SYNPR: variants seen among roughly 807,000 people sequenced by gnomAD.
The protein encoded by SYNPR is synaptoporin.
Under a neutral mutation model 32.9 loss-of-function variants are expected in SYNPR, and 23 were observed. That is an observed-to-expected ratio of 0.70 (90% confidence interval 0.50 to 0.99). The LOEUF (loss-of-function observed/expected upper bound fraction) is 0.99. Among genes scored for constraint, SYNPR ranks in the 50% least tolerant of loss-of-function variants. SYNPR has a pLI of 0.00. For missense variants in SYNPR, 318 were observed against 349.3 expected, an observed-to-expected ratio of 0.91 and a Z score of 0.71; for synonymous variants, 146 against 135.9, an observed-to-expected ratio of 1.07 and a Z score of -0.52.
intron 3 of SYNPR, among the ~76,000 whole-genome samples, chr3:63,267,768 A>T (rs1312223181): frequency 1.3e-5 from 2 of 152,202 alleles, no homozygotes; most frequent in Admixed American, 6.5e-5. Context: ...ACTGAGAATT[A>T]CACATTTTAG....
At chr3:63,448,497 A>T (rs1700320445) in intron 2 of SYNPR, among the ~76,000 whole-genome samples, 1 of 152,180 alleles carries the variant, frequency 6.6e-6, no homozygotes, top group Non-Finnish European at 1.5e-5. Flanking sequence ...TCAATGTTGA[A>T]CCCACACATC....
At chr3:63,573,717 T>C (rs926020170) in intron 4 of SYNPR, among the ~76,000 whole-genome samples, 3 of 152,170 alleles carry the variant, frequency 2.0e-5, no homozygotes, top group East Asian at 3.9e-4. Context: ...TCTTGCCAGT[T>C]AGTTCTGCCA....
chr3:63,467,210 T>C (rs1335605007), intron 2 of SYNPR, among the ~76,000 whole-genome samples: 1 of 152,140 alleles, frequency 6.6e-6, no homozygotes, highest in African/African-American at 2.4e-5. Flanking sequence ...ATTTATTTTG[T>C]AGAGATGGGG....
intron 2 of SYNPR, among the ~76,000 whole-genome samples, chr3:63,254,375 T>C (rs1575576975): frequency 1.3e-5 from 2 of 152,256 alleles, no homozygotes; most frequent in South Asian, 2.1e-4. Flanking sequence ...TTTAAAACTG[T>C]AGGTCAAGAT....
At chr3:63,362,843 C>A (rs1002449217) in intron 2 of SYNPR, among the ~76,000 whole-genome samples, 3 of 152,050 alleles carry the variant, frequency 2.0e-5, no homozygotes, top group Admixed American at 1.3e-4. Context: ...CCTTTTAGTA[C>A]CTTGATTCTA....
rs916825158 is a variant in SYNPR at position 63,417,295 on chromosome 3, C to G, written c.85-63537C>G. On this transcript the variant is annotated intron_variant, in intron 2 of 5. Transcript: ENST00000478300. The stretch of plus-strand genomic sequence containing the variant: ...CCTCCTTTGACTCCATGTCTCACAT[C>G]CAGGTCACACTGTTGCAAGAGGTGG... 2.6e-5 allele frequency among the ~76,000 whole-genome samples: 4 copies of G among 152,242 alleles called. No homozygotes were observed. The East Asian group carries it at 7.7e-4, about 29-fold the overall frequency.
At chr3:63,415,197 A>T (rs1024436781) in intron 2 of SYNPR, among the ~76,000 whole-genome samples, 1 of 152,230 alleles carries the variant, frequency 6.6e-6, no homozygotes, top group African/African-American at 2.4e-5. Flanking sequence ...TTAAAATACT[A>T]TAAAATGGTG....
At chr3:63,564,386 G>A (rs1052238495) in intron 4 of SYNPR, among the ~76,000 whole-genome samples, 7 of 151,560 alleles carry the variant, frequency 4.6e-5, no homozygotes, top group South Asian at 4.2e-4. Flanking sequence ...TAGTAGAGAC[G>A]GGGTTTCACC....
At chr3:63,330,453 T>G (rs2087216149) in intron 2 of SYNPR, among the ~76,000 whole-genome samples, 1 of 151,572 alleles carries the variant, frequency 6.6e-6, no homozygotes, top group African/African-American at 2.4e-5. Flanking sequence ...TCTCCCCTCT[T>G]TTTTTTATTT....
At chr3:63,422,259 A>C (rs1011271409) in intron 2 of SYNPR, among the ~76,000 whole-genome samples, 1 of 152,260 alleles carries the variant, frequency 6.6e-6, no homozygotes, top group Admixed American at 6.5e-5. Flanking sequence ...TACTTTCTAC[A>C]TTGCTATGTG....
intron 4 of SYNPR, among the ~76,000 whole-genome samples, chr3:63,579,120 A>G (rs904463871): frequency 5.3e-5 from 8 of 152,058 alleles, no homozygotes; most frequent in South Asian, 2.1e-4. Flanking sequence ...CTCAAATCCA[A>G]TTTCCATGGG....
chr3:63,327,098 T>A (rs1349230743), intron 2 of SYNPR, among the ~76,000 whole-genome samples: 1 of 152,106 alleles, frequency 6.6e-6, no homozygotes, highest in Non-Finnish European at 1.5e-5. Context: ...ATGTAAAAGT[T>A]GCAATCATTA....
intron 2 of SYNPR, among the ~76,000 whole-genome samples, chr3:63,317,381 T>A (rs969705500): frequency 1.3e-5 from 2 of 151,992 alleles, no homozygotes; most frequent in African/African-American, 2.4e-5. Context: ...ATTTATTGGG[T>A]CTATTGGTAA....
chr3:63,249,485 T>C (rs948930587), intron 1 of SYNPR, among the ~76,000 whole-genome samples: 3 of 152,160 alleles, frequency 2.0e-5, no homozygotes, highest in African/African-American at 4.8e-5. Flanking sequence ...AGGATGTTAA[T>C]TGGAGCTAAG....
At chr3:63,222,011 A>ATTGTTTTTTTTTTTTTTTTTTTTTTTT in the SYNPR span, among the ~76,000 whole-genome samples, 2 of 56,406 alleles carry the variant, frequency 3.5e-5, no homozygotes, top group African/African-American at 6.0e-5. Context: ...GCCATGCTCA[A>ATTGTTTTTTTTTTTTTTTTTTTTTTTT]TTTTTTTTTT....
intron 3 of SYNPR, among the ~76,000 whole-genome samples, chr3:63,491,090 A>T (rs1037077918): frequency 2.0e-5 from 3 of 152,156 alleles, no homozygotes; most frequent in Non-Finnish European, 4.4e-5. Flanking sequence ...AAACACAAGA[A>T]GACAACCAGC....
intron 2 of SYNPR, among the ~76,000 whole-genome samples, chr3:63,336,686 G>A (rs1401989220): frequency 6.6e-6 from 1 of 151,628 alleles, no homozygotes; most frequent in Non-Finnish European, 1.5e-5. Context: ...AGTGATCTTG[G>A]ATTTGGTAAT....
intron 2 of SYNPR, among the ~76,000 whole-genome samples, chr3:63,449,097 T>C (rs982291419): frequency 6.6e-6 from 1 of 151,988 alleles, no homozygotes; most frequent in African/African-American, 2.4e-5. Flanking sequence ...TTGGACAGTA[T>C]TGGGAGAGGA....
At chr3:63,258,680 A>G (rs1278426093) in intron 2 of SYNPR, among the ~76,000 whole-genome samples, 1 of 152,002 alleles carries the variant, frequency 6.6e-6, no homozygotes, top group Non-Finnish European at 1.5e-5. Context: ...GCAAGAGCAA[A>G]CACATTCAAA....
Sources: allele counts gnomAD v4.1 joint callset (sites outside exome capture counted in the v4.1 genomes callset), GRCh38; gene constraint gnomAD v4.1.1; transcripts MANE v1.5; gene names NCBI Gene and HGNC (gene_info 2026-07-23, HGNC 2026-07-21).